The following DNAH14 variants were observed in gnomAD, a reference collection of about 807,000 sequenced individuals.
The protein encoded by DNAH14 is dynein axonemal heavy chain 14, also known as axonemal beta dynein heavy chain 14.
A neutral mutation model predicts 520.9 loss-of-function variants in DNAH14; 478 were observed. The observed-to-expected ratio is 0.92, with a 90% confidence interval of 0.85 to 0.99. The LOEUF is 0.99. Among genes scored for constraint, DNAH14 ranks in the 50% least tolerant of loss-of-function variants. The pLI, the probability that DNAH14 is intolerant of heterozygous loss-of-function variation, is 0.00. For missense variants in DNAH14, 4,831 were observed against 5,234.5 expected, an observed-to-expected ratio of 0.92 and a Z score of 2.38; for synonymous variants, 1,581 against 1,757.2, an observed-to-expected ratio of 0.90 and a Z score of 2.51.
At position 225,097,828 on chromosome 1, in the gene DNAH14, G is replaced by C. The variant is rs535950059; in HGVS notation, c.3695+589G>C. Among the ~76,000 whole-genome samples, 122 of 152,126 alleles carry C rather than the reference G, an allele frequency of 8.0e-4. 1 individual carries two copies. Among genetic ancestry groups the C allele is most frequent in the African/African-American group, 2.9e-3 (119 of 41,490 alleles). The stretch of plus-strand genomic sequence containing the variant: ...TAATCCCAAAACTACAATATTATGT[G>C]TTTCTTTCGTTCTGGAATATTAGTG... On this transcript the variant is annotated intron_variant, in intron 22 of 85. Coordinates refer to ENST00000682510, the MANE Select transcript of DNAH14 (RefSeq NM_001367479.1).
intron 81 of DNAH14, 70 bp from the exon 82 acceptor site, chr1:225,388,309 T>G (rs2095864978): frequency 1.1e-6 from 1 of 874,066 alleles, no homozygotes; most frequent in East Asian, 2.7e-5. Context: ...TACCAAGGTT[T>G]GCAGAAATGT....
At position 224,998,646 on chromosome 1, in the gene DNAH14, A is replaced by AGTTGTT. The variant is rs150953013; in HGVS notation, c.831-4115_831-4110dup. Among the ~76,000 whole-genome samples, 399 of 151,384 alleles carry AGTTGTT rather than the reference A, an allele frequency of 2.6e-3. 2 individuals carry two copies. Among genetic ancestry groups the AGTTGTT allele is most frequent in the African/African-American group, 8.9e-3 (364 of 41,128 alleles). Reference sequence around the variant, plus strand: ...TGTTTGATTTTTAAAAAATGTGTTGAGTTGTTGTTGTTGTTGTTGTTGTTG... The same window carrying AGTTGTT: ...TGTTTGATTTTTAAAAAATGTGTTGAGTTGTTGTTGTTGTTGTTGTTGTTGTTGTTG... On this transcript the variant is annotated intron_variant, in intron 8 of 85. Coordinates refer to ENST00000682510, the MANE Select transcript of DNAH14 (RefSeq NM_001367479.1).
At chr1:225,312,493 T>G (rs1272747262) in intron 60 of DNAH14, among the ~76,000 whole-genome samples, 2 of 152,052 alleles carry the variant, frequency 1.3e-5, no homozygotes, top group Non-Finnish European at 2.9e-5. Context: ...TGAATAGGAG[T>G]GGTGAGAGAA....
chr1:225,264,307 T>C (rs2093038628), intron 47 of DNAH14, 46 bp downstream of exon 47: 2 of 1,362,786 alleles, frequency 1.5e-6, no homozygotes, highest in Non-Finnish European at 2.0e-6. Flanking sequence ...GTTTCAAAAC[T>C]TCACAACCAT....
intron 34 of DNAH14, among the ~76,000 whole-genome samples, chr1:225,156,025 T>C (rs55770610): frequency 0.13 from 19,417 of 152,102 alleles, 1,394 homozygotes; most frequent in East Asian, 0.31. Context: ...CTGTTTCCTC[T>C]TCCCGTCCCT....
At chr1:225,102,444 T>G (rs934440460) in intron 23 of DNAH14, among the ~76,000 whole-genome samples, 9 of 152,332 alleles carry the variant, frequency 5.9e-5, no homozygotes, top group African/African-American at 2.2e-4. Flanking sequence ...TTTCTAGTTC[T>G]AGATCCCTGA....
At chr1:225,099,618 A>G (rs2075280943) in intron 22 of DNAH14, among the ~76,000 whole-genome samples, 1 of 152,126 alleles carries the variant, frequency 6.6e-6, no homozygotes, top group Non-Finnish European at 1.5e-5. Flanking sequence ...CCTGACAGAC[A>G]TAGTAGGGGT....
chr1:225,361,732 T>C (rs1434810923), intron 75 of DNAH14, among the ~76,000 whole-genome samples: 1 of 152,232 alleles, frequency 6.6e-6, no homozygotes, highest in Non-Finnish European at 1.5e-5. Context: ...GTTTAAAAAC[T>C]ATACCAGCGG....
chr1:225,101,629 G>T (rs1242109501), intron 23 of DNAH14, among the ~76,000 whole-genome samples: 1 of 151,866 alleles, frequency 6.6e-6, no homozygotes, highest in South Asian at 2.1e-4. Context: ...TTTGTGCCTG[G>T]TTTTTTTTAC....
In DNAH14 at chr1:225,042,883, C is replaced by T. The variant is rs1485050025; in HGVS notation, c.1537C>T (p.Pro513Ser). The T allele has an allele frequency of 5.8e-6, 9 of 1,551,508 alleles. No individual in the cohort carries two copies. The highest frequency in any genetic ancestry group is 6.1e-6 in the Non-Finnish European group (7 of 1,146,948). ...GAAGGATTTGAGAAAAACATATGCA[C>T]CAATATTTGAAGTAAATCTATGCTT... ...VGKDLRKTYA[P>S]IFEVNLCLRI... Residue 513 changes from proline (P) to serine (S), a missense_variant, in exon 13 of 86, where the codon CCA becomes TCA. Pro to Ser is a moderately conservative substitution (Grantham distance 74). Coordinates refer to ENST00000682510, the MANE Select transcript of DNAH14 (RefSeq NM_001367479.1).
intron 17 of DNAH14, among the ~76,000 whole-genome samples, chr1:225,064,025 G>A (rs2070537998): frequency 6.6e-6 from 1 of 152,028 alleles, no homozygotes; most frequent in Non-Finnish European, 1.5e-5. Context: ...TTTGGATTTT[G>A]TGTATCTAAC....
chr1:225,332,795 G>A (rs78333083), intron 65 of DNAH14, among the ~76,000 whole-genome samples: 6,115 of 135,286 alleles, frequency 0.045, 180 homozygotes, highest in Middle Eastern at 0.098. Flanking sequence ...AAGAGTTTAA[G>A]ACCAACCGGG....
chr1:225,335,696 T>TAC lies in DNAH14; in HGVS notation c.10081-1569_10081-1568insCA, dbSNP rs1238677787. ...ATATATGTATATACGCATATATACA[T>TAC]ATGTGCATATATGTATATACGCATA... On this transcript the variant is annotated intron_variant, in intron 66 of 85. Transcript: ENST00000682510. Among the ~76,000 whole-genome samples the TAC allele has an allele frequency of 6.4e-4, 55 of 86,046 alleles. 11 individuals are homozygous for TAC. The highest frequency in any genetic ancestry group is 7.7e-4 in the South Asian group (2 of 2,588). The allele number at this position is 86,046 out of a possible 152,430, so 56.4% of individuals were successfully genotyped here.
chr1:225,106,904 A>T (rs1053371801), intron 23 of DNAH14, among the ~76,000 whole-genome samples: 42 of 152,120 alleles, frequency 2.8e-4, no homozygotes, highest in African/African-American at 9.9e-4. Context: ...TCCATCCAGC[A>T]TTGTTCCGTT....
intron 23 of DNAH14, among the ~76,000 whole-genome samples, chr1:225,108,056 CAA>C (rs2076219067): frequency 6.6e-6 from 1 of 152,172 alleles, no homozygotes; most frequent in African/African-American, 2.4e-5. Flanking sequence ...GTCCCACCCT[CAA>C]TCTGGGTAGA....
intron 8 of DNAH14, among the ~76,000 whole-genome samples, chr1:224,976,269 C>G (rs1294465706): frequency 2.0e-5 from 3 of 151,786 alleles, no homozygotes; most frequent in African/African-American, 4.8e-5. Context: ...GAGTTCAATT[C>G]CTGGGTATCC....
rs111324586 is a variant in DNAH14 at position 224,968,042 on chromosome 1, A to C, written c.651+459A>C. On this transcript the variant is annotated intron_variant, in intron 6 of 85. Transcript: ENST00000682510. ...ATTACTTGTTTTAATGATTTGTTTA[A>C]TGTCTGTCTGCCTTTTTCTGCCTTC... 786 of 807,940 alleles carry C rather than the reference A, an allele frequency of 9.7e-4. 6 individuals carry two copies. The African/African-American group carries it at 0.013, about 14-fold the overall frequency. The allele number at this position is 807,940 out of a possible 1,614,324, so 50.0% of individuals were successfully genotyped here.
rs1252805825 is a variant in DNAH14, at chr1:225,017,380, A to G, written c.1108-6235A>G. ...ATATATTAATCAGGCTAATAAAAAT[A>G]CTGTAGACTTTGCTGGTCTGCTGTT... On this transcript the variant is annotated intron_variant, in intron 10 of 85. Transcript: ENST00000682510. 3.9e-5 allele frequency among the ~76,000 whole-genome samples: 6 copies of G among 152,356 alleles called. No individual in the cohort carries two copies. The South Asian group carries it at 1.2e-3, about 32-fold the overall frequency.
At chr1:225,214,053 A>G (rs189148276) in intron 41 of DNAH14, among the ~76,000 whole-genome samples, 133 of 152,298 alleles carry the variant, frequency 8.7e-4, no homozygotes, top group Non-Finnish European at 1.4e-3. Context: ...TTTGTCATAA[A>G]TAACTCTTAT....
Sources: allele counts gnomAD v4.1 joint callset (sites outside exome capture counted in the v4.1 genomes callset), GRCh38; gene constraint gnomAD v4.1.1; transcripts MANE v1.5; gene names NCBI Gene and HGNC (gene_info 2026-07-23, HGNC 2026-07-21).